CDK7: variants seen among roughly 807,000 people sequenced by gnomAD.
CDK7 encodes cyclin dependent kinase 7.
A neutral mutation model predicts 49.1 loss-of-function variants in CDK7; 25 were observed. The ratio of observed to expected loss-of-function variants is 0.51; its 90% CI spans 0.37 to 0.71. CDK7 has a LOEUF of 0.71. Among genes scored for constraint, CDK7 ranks in the 30% least tolerant of loss-of-function variants. The probability of loss-of-function intolerance (pLI) is 0.00; values close to 1 mark genes in which losing one functional copy is unlikely to be tolerated. For missense variants in CDK7, 316 were observed against 411.7 expected (o/e 0.77, Z 2.01); for synonymous variants, 107 against 140.0 (o/e 0.76, Z 1.67).
chr5:69,255,780 A>G (rs1337022285), intron 5 of CDK7: 2 of 481,328 alleles, frequency 4.2e-6, no homozygotes, highest in Non-Finnish European at 7.5e-6. Flanking sequence ...TAGCTAGTTG[A>G]CGTCATTTTT....
At chr5:69,258,376 A>ATTTTT (rs58004328) in intron 6 of CDK7, among the ~76,000 whole-genome samples, 5 of 105,036 alleles carry the variant, frequency 4.8e-5, no homozygotes, top group Admixed American at 3.2e-4. Context: ...CCAGTCCCTC[A>ATTTTT]TTTTTTTTTT....
intron 5 of CDK7, among the ~76,000 whole-genome samples, chr5:69,256,254 T>G (rs1750482441): frequency 6.6e-6 from 1 of 152,178 alleles, no homozygotes; most frequent in Admixed American, 6.6e-5. Flanking sequence ...ATAGATCCTG[T>G]CTCAGCTTTA....
intron 2 of CDK7, among the ~76,000 whole-genome samples, chr5:69,248,949 G>A (rs939417655): frequency 1.3e-5 from 2 of 151,544 alleles, no homozygotes; most frequent in Non-Finnish European, 2.9e-5. Flanking sequence ...GATTACCAGC[G>A]TGAGCCACCG....
intron 10 of CDK7, among the ~76,000 whole-genome samples, chr5:69,274,021 C>T (rs1272700860): frequency 6.6e-6 from 1 of 152,060 alleles, no homozygotes; most frequent in Admixed American, 6.6e-5. Flanking sequence ...TCCATGTGTA[C>T]ACATACTCTT....
intron 2 of CDK7, among the ~76,000 whole-genome samples, chr5:69,237,431 T>C (rs1217210970): frequency 6.6e-6 from 1 of 152,204 alleles, no homozygotes; most frequent in Non-Finnish European, 1.5e-5. Context: ...CATGGCTGAT[T>C]CCTTATCATC....
intron 5 of CDK7, among the ~76,000 whole-genome samples, chr5:69,257,376 A>G (rs1210715549): frequency 6.6e-6 from 1 of 152,218 alleles, no homozygotes; most frequent in Admixed American, 6.5e-5. Context: ...TGATAAATCT[A>G]GAATAAACTG....
chr5:69,242,717 A>G (rs1383773478), intron 2 of CDK7, among the ~76,000 whole-genome samples: 1 of 152,186 alleles, frequency 6.6e-6, no homozygotes, highest in Non-Finnish European at 1.5e-5. Flanking sequence ...AGCATTGCCA[A>G]CACTCAGGAA....
chr5:69,273,869 G>A (rs1442459826), intron 10 of CDK7, among the ~76,000 whole-genome samples: 5 of 152,168 alleles, frequency 3.3e-5, no homozygotes, highest in Admixed American at 6.5e-5. Flanking sequence ...TGTGTGCTAT[G>A]TGAATATATA....
intron 7 of CDK7, among the ~76,000 whole-genome samples, chr5:69,261,119 C>G (rs948231702): frequency 4.6e-5 from 7 of 152,032 alleles, no homozygotes; most frequent in African/African-American, 1.2e-4. Context: ...TGCCTGGCCC[C>G]AAAGTCTCTA....
At chr5:69,274,285 C>A (rs1043816269) in intron 10 of CDK7, among the ~76,000 whole-genome samples, 2 of 151,958 alleles carry the variant, frequency 1.3e-5, no homozygotes, top group Admixed American at 1.3e-4. Flanking sequence ...GATCTTTAGC[C>A]CAGAATTAGC....
At chr5:69,270,850 T>C (rs1751478331) in intron 9 of CDK7, among the ~76,000 whole-genome samples, 3 of 152,218 alleles carry the variant, frequency 2.0e-5, no homozygotes. Context: ...TTATTTCAGT[T>C]TCTTCAACCG....
intron 11 of CDK7, 97 bp downstream of exon 11, chr5:69,276,787 T>C: frequency 1.0e-6 from 1 of 993,554 alleles, no homozygotes; most frequent in Non-Finnish European, 1.5e-6. Flanking sequence ...GAAATGTAGC[T>C]TGCTAGCTAT....
chr5:69,245,291 TCCCTTCCCCCTCC>T (rs1168992989), intron 2 of CDK7, among the ~76,000 whole-genome samples: 1 of 91,620 alleles, frequency 1.1e-5, no homozygotes, highest in Admixed American at 1.3e-4. Flanking sequence ...CCTTTTCCCC[TCCCTTCCCCCTCC>T]CCTTCCCCCT....
chr5:69,252,360 G>A, intron 2 of CDK7, 58 bp from the exon 3 acceptor site: 1 of 1,032,032 alleles, frequency 9.7e-7, no homozygotes, highest in Non-Finnish European at 1.5e-6. Context: ...ATTATTCATT[G>A]ATTCTAAATA....
intron 5 of CDK7, chr5:69,255,777 T>G: frequency 2.0e-6 from 1 of 497,574 alleles, no homozygotes. Flanking sequence ...CCATAGCTAG[T>G]TGACGTCATT....
At chr5:69,245,608 T>C (rs1234201514) in intron 2 of CDK7, among the ~76,000 whole-genome samples, 1 of 152,148 alleles carries the variant, frequency 6.6e-6, no homozygotes, top group Non-Finnish European at 1.5e-5. Context: ...CCTAAAGTGC[T>C]GGGATAGCCA....
intron 9 of CDK7, among the ~76,000 whole-genome samples, chr5:69,269,814 C>T (rs1490622624): frequency 2.0e-5 from 3 of 151,138 alleles, no homozygotes; most frequent in Non-Finnish European, 4.4e-5. Context: ...TCAAACTCCT[C>T]GTCTCAAGCA....
chr5:69,275,495 A>G (rs1752024032), intron 10 of CDK7, among the ~76,000 whole-genome samples: 1 of 152,180 alleles, frequency 6.6e-6, no homozygotes, highest in South Asian at 2.1e-4. Context: ...CACTAAGGAT[A>G]GCTCATAATT....
chr5:69,244,312 A>G (rs1455525791), intron 2 of CDK7, among the ~76,000 whole-genome samples: 1 of 152,046 alleles, frequency 6.6e-6, no homozygotes, highest in African/African-American at 2.4e-5. Context: ...ACTTTTGTGA[A>G]TTATCAGTTC....
Sources: gnomAD v4.1 joint callset for allele counts (sites outside exome capture counted in the v4.1 genomes callset) on GRCh38, gnomAD v4.1.1 for gene constraint, MANE v1.5 for transcripts, NCBI Gene and HGNC (gene_info 2026-07-23, HGNC 2026-07-21) for gene names.